Variants in METTL9 observed in about 807,000 individuals in gnomAD.
METTL9 encodes protein-L-histidine N-pros-methyltransferase.
In METTL9, 10 loss-of-function variants were observed where a neutral mutation model predicts 36.0. The ratio of observed to expected loss-of-function variants is 0.28; its 90% CI spans 0.17 to 0.47. The LOEUF (loss-of-function observed/expected upper bound fraction) is 0.47. Among genes scored for constraint, METTL9 ranks in the 20% least tolerant of loss-of-function variants. The pLI, the probability that METTL9 is intolerant of heterozygous loss-of-function variation, is 0.99. For synonymous variants in METTL9, 175 were observed against 149.7 expected (o/e 1.17, Z -1.23); for missense variants, 246 against 383.5 (o/e 0.64, Z 3.00).
intron 4 of METTL9, chr16:21,647,037 A>T (rs758946625): frequency 5.2e-6 from 8 of 1,545,654 alleles, no homozygotes; most frequent in African/African-American, 4.1e-5. Context: ...TAACTTAGCA[A>T]ATTTATCTCC....
At chr16:21,618,207 A>C in intron 3 of METTL9, 133 bp downstream of exon 3, 1 of 761,036 alleles carries the variant, frequency 1.3e-6, no homozygotes, top group Non-Finnish European at 2.0e-6. Flanking sequence ...AATGTAGAGA[A>C]ATAATCTTCT....
intron 1 of METTL9, among the ~76,000 whole-genome samples, chr16:21,603,304 A>T (rs1209583016): frequency 6.6e-6 from 1 of 151,950 alleles, no homozygotes; most frequent in Non-Finnish European, 1.5e-5. Flanking sequence ...ACACCTGGTT[A>T]ATTTTTGTAG....
rs753916863 is a variant in METTL9 at position 21,627,309 on chromosome 16, TA to T, written c.751+2198del. ...TTGGCTTAATTTGTTTTTTTTTAACTAAAAGTAGTTGTAGGTGAAATGATTA... is the reference window on the plus strand; with the variant it reads ...TTGGCTTAATTTGTTTTTTTTTAACTAAAGTAGTTGTAGGTGAAATGATTA... On this transcript the variant is annotated intron_variant, in intron 4 of 4. Coordinates refer to ENST00000358154, the MANE Select transcript of METTL9 (RefSeq NM_016025.5). 18 of 985,204 alleles carry T rather than the reference TA, an allele frequency of 1.8e-5. No homozygotes were observed. The South Asian group carries it at 6.6e-4, about 36-fold the overall frequency. 61.0% of individuals were successfully genotyped at this position (985,204 alleles called of 1,614,324 possible).
At chr16:21,616,474 C>T (rs533068506) in intron 2 of METTL9, among the ~76,000 whole-genome samples, 39 of 152,186 alleles carry the variant, frequency 2.6e-4, no homozygotes, top group Non-Finnish European at 4.4e-4. Context: ...AAAACAAGTC[C>T]TAAATAGGGA....
At chr16:21,655,132 G>C (rs1427682953) in intron 4 of METTL9, 95 bp from the exon 5 acceptor site, 4 of 1,110,630 alleles carry the variant, frequency 3.6e-6, no homozygotes, top group Admixed American at 4.3e-5. Flanking sequence ...GGCTTGGAAC[G>C]TACCAAGTCC....
At chr16:21,649,683 A>T (rs1966518696) in intron 4 of METTL9, among the ~76,000 whole-genome samples, 1 of 152,166 alleles carries the variant, frequency 6.6e-6, no homozygotes, top group Non-Finnish European at 1.5e-5. Context: ...AATTATTTTT[A>T]AAAAGTGGAC....
At chr16:21,636,619 A>C (rs1966101059) in intron 4 of METTL9, among the ~76,000 whole-genome samples, 1 of 152,130 alleles carries the variant, frequency 6.6e-6, no homozygotes, top group African/African-American at 2.4e-5. Context: ...GGGACCCCGG[A>C]GCTGAATGGC....
At chr16:21,614,744 A>T (rs1253666553) in intron 2 of METTL9, among the ~76,000 whole-genome samples, 1 of 152,180 alleles carries the variant, frequency 6.6e-6, no homozygotes, top group African/African-American at 2.4e-5. Context: ...CAAGTAAGGA[A>T]AGACTTAGTA....
chr16:21,605,891 A>G (rs372659976), intron 1 of METTL9, among the ~76,000 whole-genome samples: 5 of 152,340 alleles, frequency 3.3e-5, no homozygotes, highest in South Asian at 4.1e-4. Context: ...CAGTCCCACA[A>G]GACTGCCCTC....
chr16:21,639,082 A>G (rs547848567), intron 4 of METTL9, among the ~76,000 whole-genome samples: 48 of 152,244 alleles, frequency 3.2e-4, no homozygotes, highest in Non-Finnish European at 6.0e-4. Context: ...TTAACAAAAT[A>G]AGAAACTCTT....
chr16:21,638,714 G>A (rs1966170995), intron 4 of METTL9, among the ~76,000 whole-genome samples: 1 of 152,160 alleles, frequency 6.6e-6, no homozygotes, highest in Admixed American at 6.5e-5. Flanking sequence ...GGTGAGTTAG[G>A]GAAGGTTTCA....
At chr16:21,653,594 A>G (rs1597793312) in intron 4 of METTL9, 1 of 152,294 alleles carries the variant, frequency 6.6e-6, no homozygotes, top group South Asian at 2.1e-4. Context: ...GCCAGGAAGA[A>G]TGCCTCAAAT....
intron 4 of METTL9, chr16:21,642,437 A>G (rs747790213): frequency 6.6e-6 from 1 of 152,194 alleles, no homozygotes; most frequent in Non-Finnish European, 1.5e-5. Flanking sequence ...CTTATTTTGT[A>G]TACATTTTAG....
intron 1 of METTL9, among the ~76,000 whole-genome samples, chr16:21,603,788 G>A (rs949201780): frequency 6.6e-6 from 1 of 152,036 alleles, no homozygotes; most frequent in Admixed American, 6.6e-5. Flanking sequence ...GTGACATACT[G>A]CAAGGTTTTT....
rs57388340 is a variant in METTL9, at chr16:21,613,168, CTTTTTTTTTTTTTTTTTTTT to C, written c.356+350_356+369del. On this transcript the variant is annotated intron_variant, in intron 2 of 4. Transcript: ENST00000358154. ...ATCAGGGGCTAGGTCTGAGAGTCTGCTTTTTTTTTTTTTTTTTTTTTTTTTTTTTTTTTTTTAAAGACAGT... is the reference window on the plus strand; with the variant it reads ...ATCAGGGGCTAGGTCTGAGAGTCTGCTTTTTTTTTTTTTTTTAAAGACAGT... 4.6e-4 allele frequency among the ~76,000 whole-genome samples: 42 copies of C among 91,428 alleles called. 2 individuals carry two copies. Among genetic ancestry groups the C allele is most frequent in the African/African-American group, 1.5e-3 (27 of 18,526 alleles). 60.0% of individuals were successfully genotyped at this position (91,428 alleles called of 152,430 possible). A position where few individuals can be genotyped will look rare whatever the true frequency, so the allele number is the denominator to read the frequency against.
upstream of METTL9, among the ~76,000 whole-genome samples, chr16:21,598,917 CT>C (rs1329864565): frequency 6.6e-6 from 1 of 152,110 alleles, no homozygotes; most frequent in Admixed American, 6.6e-5. Context: ...TTCACTCATT[CT>C]TTATAGAAAC....
At chr16:21,651,559 C>G (rs1017574391) in intron 4 of METTL9, among the ~76,000 whole-genome samples, 3 of 152,000 alleles carry the variant, frequency 2.0e-5, no homozygotes, top group Admixed American at 1.3e-4. Flanking sequence ...ACCTTGGCCC[C>G]CAAAGTGCTG....
In METTL9 at chr16:21,640,804, T is replaced by C. The variant is rs1966242764; in HGVS notation, c.752-14423T>C. 3 of 151,672 alleles carry C rather than the reference T, an allele frequency of 2.0e-5. No individual in the cohort carries two copies. In the South Asian group the frequency reaches 6.2e-4, roughly 32 times the overall value. The allele number at this position is 151,672 out of a possible 1,614,324, so 9.4% of individuals were successfully genotyped here. On this transcript the variant is annotated intron_variant, in intron 4 of 4. Transcript: ENST00000358154. ...AAAAGAAAAGAAAAAAAATCAGTAT[T>C]ACAAACGTGCTTGTAAAGTAGATGT...
intron 4 of METTL9, among the ~76,000 whole-genome samples, chr16:21,649,195 G>C (rs1402780157): frequency 6.6e-6 from 1 of 152,046 alleles, no homozygotes; most frequent in Non-Finnish European, 1.5e-5. Context: ...GTTTCACCTT[G>C]TTACCTAGGC....
Sources: allele counts gnomAD v4.1 joint callset (sites outside exome capture counted in the v4.1 genomes callset), GRCh38; gene constraint gnomAD v4.1.1; transcripts MANE v1.5; gene names NCBI Gene and HGNC (gene_info 2026-07-23, HGNC 2026-07-21).